The following GCSAML variants were observed in gnomAD, a reference collection of about 807,000 sequenced individuals.
GCSAML encodes germinal center associated signaling and motility like.
GCSAML carries 9 observed loss-of-function variants against 13.0 expected under a neutral mutation model. The ratio of observed to expected loss-of-function variants is 0.69; its 90% CI spans 0.42 to 1.21. The LOEUF (loss-of-function observed/expected upper bound fraction) is 1.21, where lower values mean the gene tolerates loss of function less well. GCSAML is among the 50% of genes most tolerant of loss of function. The pLI is 0.00. For missense variants in GCSAML, 143 were observed against 153.4 expected, an observed-to-expected ratio of 0.93 and a Z score of 0.36; for synonymous variants, 37 against 52.9, an observed-to-expected ratio of 0.70 and a Z score of 1.31.
At position 247,567,510 on chromosome 1, in the gene GCSAML, T is replaced by C. The variant is rs145464592; in HGVS notation, c.168+1551T>C. Among the ~76,000 whole-genome samples, 1,399 of 152,324 alleles carry C rather than the reference T, an allele frequency of 9.2e-3. 22 individuals are homozygous for C. The highest frequency in any genetic ancestry group is 0.032 in the African/African-American group (1,336 of 41,568). Reference sequence around the variant, plus strand: ...TGTCCCTGCAAAGACCATAAACTTATTCTTTTTTATGGCTGCATAGTATTC... The same window carrying C: ...TGTCCCTGCAAAGACCATAAACTTACTCTTTTTTATGGCTGCATAGTATTC... On this transcript the variant is annotated intron_variant, in intron 4 of 4. Coordinates refer to ENST00000366488, the MANE Select transcript of GCSAML (RefSeq NM_145278.5).
At position 247,523,834 on chromosome 1, in the gene GCSAML, A is replaced by G. The variant is rs146614029; in HGVS notation, c.-262-3106A>G. Among the ~76,000 whole-genome samples the G allele has an allele frequency of 3.1e-4, 47 of 152,364 alleles. No homozygotes were observed. The East Asian group carries it at 8.9e-3, about 29-fold the overall frequency. On this transcript the variant is annotated intron_variant, in intron 1 of 5. Coordinates refer to the GCSAML transcript ENST00000366489. ...TACAAATGTGAATGAAATAAAATAA[A>G]TGAATAAATATTAATAGAATTGATA...
Position 247,574,478 on chromosome 1 carries a change from T to C in GCSAML, c.*96T>C. ...TCACCCTGAGCAGTGCATGAAACATTCCTTTCTGGCTAAAGTTTAGAAATA... is the reference window on the plus strand; with the variant it reads ...TCACCCTGAGCAGTGCATGAAACATCCCTTTCTGGCTAAAGTTTAGAAATA... On this transcript the variant is annotated 3_prime_UTR_variant, in exon 5 of 5. Coordinates refer to ENST00000366488, the MANE Select transcript of GCSAML (RefSeq NM_145278.5). The C allele has an allele frequency of 7.5e-7, 1 of 1,338,768 alleles. No homozygotes were observed. The highest frequency in any genetic ancestry group is 1.0e-6 in the Non-Finnish European group (1 of 970,530). 82.9% of individuals were successfully genotyped at this position (1,338,768 alleles called of 1,614,324 possible). A position where few individuals can be genotyped will look rare whatever the true frequency, so the allele number is the denominator to read the frequency against.
intron 1 of GCSAML, among the ~76,000 whole-genome samples, chr1:247,516,976 ATACT>A (rs1379032955): frequency 2.0e-5 from 3 of 152,240 alleles, no homozygotes; most frequent in East Asian, 1.9e-4. Flanking sequence ...GTCATAAGAC[ATACT>A]TACTACCAAA....
chr1:247,563,193 C>G (rs74766854), intron 2 of GCSAML, among the ~76,000 whole-genome samples: 2 of 151,982 alleles, frequency 1.3e-5, no homozygotes, highest in Admixed American at 1.3e-4. Context: ...AGTTAGAATT[C>G]GTAAGACCCT....
At chr1:247,539,642 T>C (rs1667340942) in intron 2 of GCSAML, among the ~76,000 whole-genome samples, 1 of 152,192 alleles carries the variant, frequency 6.6e-6, no homozygotes, top group Non-Finnish European at 1.5e-5. Context: ...AGTCTGGGCC[T>C]AATCAGGGGA....
At chr1:247,563,853 A>G (rs1050194946) in intron 3 of GCSAML, among the ~76,000 whole-genome samples, 7 of 152,202 alleles carry the variant, frequency 4.6e-5, no homozygotes, top group African/African-American at 1.7e-4. Context: ...CTGTGGAAAG[A>G]AGTTAACCAA....
At position 247,557,506 on chromosome 1, in the gene GCSAML, T is replaced by C. The variant is rs146836323; in HGVS notation, c.89+1040T>C. On this transcript the variant is annotated intron_variant, in intron 2 of 4. Coordinates refer to ENST00000366488, the MANE Select transcript of GCSAML (RefSeq NM_145278.5). ...CTCTTTTTTAATCATTTCATCTCAA[T>C]GTCTTGGTTTCTGTCTCTGAGATGG... Among the ~76,000 whole-genome samples, 881 of 152,300 alleles carry C rather than the reference T, an allele frequency of 5.8e-3. 11 individuals are homozygous for C. The highest frequency in any genetic ancestry group is 0.02 in the African/African-American group (844 of 41,554).
chr1:247,524,029 CT>C, intron 1 of GCSAML, among the ~76,000 whole-genome samples: 1 of 151,166 alleles, frequency 6.6e-6, no homozygotes, highest in African/African-American at 2.4e-5. Context: ...CACACACACA[CT>C]CTGCAGATGC....
intron 4 of GCSAML, among the ~76,000 whole-genome samples, chr1:247,566,827 A>G (rs1157316073): frequency 6.6e-6 from 1 of 152,050 alleles, no homozygotes; most frequent in Admixed American, 6.6e-5. Flanking sequence ...TGCAATTGAA[A>G]ATGTGCATAA....
intron 2 of GCSAML, chr1:247,532,116 A>G (rs778317583): frequency 4.3e-6 from 7 of 1,614,070 alleles, no homozygotes; most frequent in Non-Finnish European, 5.9e-6. Flanking sequence ...TGACAGTGTA[A>G]TGGAGTGGCC....
intron 3 of GCSAML, among the ~76,000 whole-genome samples, chr1:247,565,363 A>G (rs937475808): frequency 6.6e-6 from 1 of 152,176 alleles, no homozygotes; most frequent in East Asian, 1.9e-4. Flanking sequence ...GTCTAAAAAA[A>G]AAAAAAAAAT....
rs1441411445 is a variant in GCSAML at position 247,527,303 on chromosome 1, A to G, written c.-148+249A>G. 2 of 292,290 alleles carry G rather than the reference A, an allele frequency of 6.8e-6. No homozygotes were observed. Among genetic ancestry groups the G allele is most frequent in the Non-Finnish European group, 1.4e-5 (2 of 148,030 alleles). 18.1% of individuals were successfully genotyped at this position (292,290 alleles called of 1,614,324 possible). A position where few individuals can be genotyped will look rare whatever the true frequency, so the allele number is the denominator to read the frequency against. ...GGTCTGCGTTGTCTGCTATCCCCAC[A>G]TAAACTGATGAGGACCTGCACTCCT... On this transcript the variant is annotated intron_variant, in intron 2 of 5. Coordinates refer to the GCSAML transcript ENST00000366489. This position sits in a 1 kb window ranked among gnomAD's most constrained non-coding sequence, Gnocchi z 4.6.
At chr1:247,510,645 A>T (rs951829617) in intron 1 of GCSAML, among the ~76,000 whole-genome samples, 3 of 152,180 alleles carry the variant, frequency 2.0e-5, no homozygotes, top group African/African-American at 7.2e-5. Flanking sequence ...TTAGTGCTAT[A>T]AATTTCCCTC....
chr1:247,562,555 G>C (rs971960851), intron 2 of GCSAML, among the ~76,000 whole-genome samples: 1 of 152,174 alleles, frequency 6.6e-6, no homozygotes, highest in Admixed American at 6.5e-5. Flanking sequence ...GTGGCATGTC[G>C]TTTTAGAATG....
In GCSAML at chr1:247,549,183, TG is replaced by T; in HGVS notation, c.-8del. Reference sequence around the variant, plus strand: ...CTCAGGAGCTGAGAAACCGAGTCACTGTGAAAAGATGGGAAATTATCTCCTG... The same window carrying T: ...CTCAGGAGCTGAGAAACCGAGTCACTTGAAAAGATGGGAAATTATCTCCTG... On this transcript the variant is annotated 5_prime_UTR_variant, in exon 1 of 5. Transcript: ENST00000366488. 1 of 1,614,092 alleles carries T rather than the reference TG, an allele frequency of 6.2e-7. No individual in the cohort carries two copies. Among genetic ancestry groups the T allele is most frequent in the Middle Eastern group, 1.6e-4 (1 of 6,062 alleles).
At chr1:247,516,996 T>C (rs1159833960) in intron 1 of GCSAML, among the ~76,000 whole-genome samples, 1 of 152,152 alleles carries the variant, frequency 6.6e-6, no homozygotes, top group African/African-American at 2.4e-5. Context: ...CCAAAATAAC[T>C]CTCTACAATG....
chr1:247,570,584 G>T (rs1207759692), intron 4 of GCSAML, among the ~76,000 whole-genome samples: 1 of 152,088 alleles, frequency 6.6e-6, no homozygotes, highest in African/African-American at 2.4e-5. Flanking sequence ...TTTTTGTTAT[G>T]ATTTCTGTTC....
intron 2 of GCSAML, among the ~76,000 whole-genome samples, chr1:247,556,935 G>C (rs550550620): frequency 6.6e-6 from 1 of 152,112 alleles, no homozygotes; most frequent in African/African-American, 2.4e-5. Context: ...CTCCCATCTG[G>C]TTCCTCACTC....
In GCSAML at chr1:247,532,156, ATGG is replaced by A. The variant is rs543798884; in HGVS notation, c.-148+5106_-148+5108del. 391 of 1,614,100 alleles carry A rather than the reference ATGG, an allele frequency of 2.4e-4. 5 individuals are homozygous for A. The South Asian group carries it at 3.1e-3, about 13-fold the overall frequency. On this transcript the variant is annotated intron_variant, in intron 2 of 5. Transcript: ENST00000366489. ...GATGGCAGCGTAGCGGTCATAGGACATGGTGGCCAGCAGGACACACTCGGTTGC... is the reference window on the plus strand; with the variant it reads ...GATGGCAGCGTAGCGGTCATAGGACATGGCCAGCAGGACACACTCGGTTGC...
Sources: gnomAD v4.1 joint callset for allele counts (sites outside exome capture counted in the v4.1 genomes callset) on GRCh38, gnomAD v4.1.1 for gene constraint, Gnocchi (gnomAD v3.1) non-coding constraint, MANE v1.5 for transcripts, NCBI Gene and HGNC (gene_info 2026-07-23, HGNC 2026-07-21) for gene names.